Variants in PRRG1 observed in about 807,000 individuals in gnomAD.
PRRG1 encodes proline rich and Gla domain 1, also known as transmembrane gamma-carboxyglutamic acid protein 1.
Under a neutral mutation model 11.8 loss-of-function variants are expected in PRRG1, and 5 were observed. That is an observed-to-expected ratio of 0.42 (90% CI 0.22 to 0.89). PRRG1 has a LOEUF of 0.89. Ranked by LOEUF, PRRG1 falls within the 40% of genes least tolerant of loss-of-function variation. PRRG1 has a pLI of 0.28. For synonymous variants in PRRG1, 66 were observed against 60.4 expected, an observed-to-expected ratio of 1.09 and a Z score of -0.43; for missense variants, 155 against 166.1, an observed-to-expected ratio of 0.93 and a Z score of 0.37.
At chrX:37,374,931 A>G (rs1396944846) in intron 1 of PRRG1, among the ~76,000 whole-genome samples, 2 of 111,602 alleles carry the variant, frequency 1.8e-5, no homozygotes, top group African/African-American at 6.5e-5. Flanking sequence ...AACTGAGGTG[A>G]ATAGACCTTT....
chrX:37,411,041 A>G (rs184455291), intron 2 of PRRG1, among the ~76,000 whole-genome samples: 5 of 112,248 alleles, frequency 4.5e-5, no homozygotes, highest in African/African-American at 1.3e-4. Context: ...ATAGCATTAT[A>G]ATATAATCAG....
intron 1 of PRRG1, among the ~76,000 whole-genome samples, chrX:37,399,106 A>G (rs1286769729): frequency 9.0e-6 from 1 of 111,666 alleles, no homozygotes. Context: ...GCAGGCCAAC[A>G]TTCAAATTCA....
rs1310488737 is a variant in PRRG1, at chrX:37,379,353, G to A, written c.-41-26856G>A. On this transcript the variant is annotated intron_variant, in intron 1 of 3. Coordinates refer to ENST00000378628, the MANE Select transcript of PRRG1 (RefSeq NM_001142395.2). ...CTGGTATATATATTAGTAGAAAAAT[G>A]TTCCACTGCAAGTAACAGTTAGCAA... 1.2e-4 allele frequency among the ~76,000 whole-genome samples: 13 copies of A among 109,918 alleles called. No individual in the cohort carries two copies. The Admixed American group carries it at 1.3e-3, about 11-fold the overall frequency.
At chrX:37,388,027 G>C (rs1016239828) in intron 1 of PRRG1, among the ~76,000 whole-genome samples, 1 of 112,010 alleles carries the variant, frequency 8.9e-6, no homozygotes, top group African/African-American at 3.2e-5. Context: ...CTGAAATCCA[G>C]GAAGGTAGTC....
At chrX:37,406,290 G>A (rs1031345912) in intron 2 of PRRG1, 31 bp downstream of exon 2, 2 of 1,158,453 alleles carry the variant, frequency 1.7e-6, no homozygotes, top group Admixed American at 4.4e-5. Flanking sequence ...AAGTAATTCA[G>A]ACTGTCTCCA....
chrX:37,424,744 G>C (rs782263354), intron 2 of PRRG1, among the ~76,000 whole-genome samples: 5 of 110,460 alleles, frequency 4.5e-5, no homozygotes, highest in African/African-American at 1.6e-4. Context: ...ATACTTTAAA[G>C]AATCCTAAAT....
intron 1 of PRRG1, among the ~76,000 whole-genome samples, chrX:37,362,482 A>C (rs1444895465): frequency 9.0e-6 from 1 of 110,891 alleles, no homozygotes; most frequent in Non-Finnish European, 1.9e-5. Context: ...TCCAACCTTC[A>C]GGAACTACCC....
chrX:37,439,414 T>C (rs1357119144), intron 3 of PRRG1, among the ~76,000 whole-genome samples: 1 of 112,009 alleles, frequency 8.9e-6, no homozygotes, highest in Non-Finnish European at 1.9e-5. Context: ...AAAAACCAAA[T>C]AGGTCAAACT....
At chrX:37,360,464 G>A (rs1811427320) in intron 1 of PRRG1, among the ~76,000 whole-genome samples, 1 of 112,022 alleles carries the variant, frequency 8.9e-6, no homozygotes, top group African/African-American at 3.2e-5. Flanking sequence ...GGGAATTCCA[G>A]CTATCCTTCT....
intron 1 of PRRG1, among the ~76,000 whole-genome samples, chrX:37,392,965 C>T (rs1931591639): frequency 9.0e-6 from 1 of 111,623 alleles, no homozygotes; most frequent in African/African-American, 3.3e-5. Context: ...ATGTAGTAGA[C>T]ACACAATGTA....
Position 37,455,375 on chromosome X carries a change from T to C in PRRG1, c.*1754T>C, listed in dbSNP as rs1569451264. On this transcript the variant is annotated 3_prime_UTR_variant, in exon 4 of 4. Transcript: ENST00000378628. ...TATCTACACTAAGTTCGTAATGTTA[T>C]TATTATTGTGCTTCATGGAGAATTT... The C allele has an allele frequency of 8.9e-6, 1 of 112,551 alleles. No homozygotes were observed. Among genetic ancestry groups the C allele is most frequent in the African/African-American group, 3.2e-5 (1 of 30,971 alleles). 9.3% of individuals were successfully genotyped at this position (112,551 alleles called of 1,213,427 possible).
In PRRG1 at chrX:37,453,695, A is replaced by G. The variant is rs954801214; in HGVS notation, c.*74A>G. 2.0e-6 allele frequency: 2 copies of G among 975,809 alleles called. No individual in the cohort carries two copies. Among genetic ancestry groups the G allele is most frequent in the Non-Finnish European group, 2.7e-6 (2 of 735,073 alleles). The allele number at this position is 975,809 out of a possible 1,213,427, so 80.4% of individuals were successfully genotyped here. A position where few individuals can be genotyped will look rare whatever the true frequency, so the allele number is the denominator to read the frequency against. On this transcript the variant is annotated 3_prime_UTR_variant, in exon 4 of 4. Coordinates refer to ENST00000378628, the MANE Select transcript of PRRG1 (RefSeq NM_001142395.2). ...GAACTTTCTAGCACTTTACCACTACATAAATGTTCATTGACTTATTTTATT... is the reference window on the plus strand; with the variant it reads ...GAACTTTCTAGCACTTTACCACTACGTAAATGTTCATTGACTTATTTTATT...
intron 1 of PRRG1, among the ~76,000 whole-genome samples, chrX:37,373,037 A>G (rs1160584280): frequency 1.8e-5 from 2 of 111,949 alleles, no homozygotes; most frequent in Non-Finnish European, 1.9e-5. Flanking sequence ...TCCTATCACT[A>G]TTTATTGAAG....
chrX:37,402,016 C>G (rs1196822360), intron 1 of PRRG1, among the ~76,000 whole-genome samples: 2 of 111,666 alleles, frequency 1.8e-5, no homozygotes, highest in African/African-American at 6.5e-5. Context: ...ACATTCCACG[C>G]TCATGGGTAG....
At chrX:37,432,810 G>C (rs906027545) in intron 3 of PRRG1, among the ~76,000 whole-genome samples, 3 of 111,341 alleles carry the variant, frequency 2.7e-5, no homozygotes, top group Non-Finnish European at 5.7e-5. Context: ...ATGGCTAACT[G>C]CCTACTCAAC....
intron 3 of PRRG1, among the ~76,000 whole-genome samples, chrX:37,436,517 G>A (rs1932886647): frequency 8.9e-6 from 1 of 112,050 alleles, no homozygotes; most frequent in African/African-American, 3.2e-5. Context: ...TGTGAGTTGG[G>A]ATTAGTGATT....
intron 3 of PRRG1, among the ~76,000 whole-genome samples, chrX:37,434,444 A>G (rs910057322): frequency 8.9e-6 from 1 of 112,071 alleles, no homozygotes; most frequent in East Asian, 2.8e-4. Context: ...AAAGGCTTAT[A>G]TGAGCATGCT....
intron 1 of PRRG1, among the ~76,000 whole-genome samples, chrX:37,381,303 A>G (rs193092144): frequency 2.5e-4 from 28 of 112,060 alleles, no homozygotes; most frequent in African/African-American, 8.7e-4. Flanking sequence ...CATTGCTTCT[A>G]TGCTATCTTG....
chrX:37,423,825 G>A (rs1932727638), intron 2 of PRRG1, among the ~76,000 whole-genome samples: 1 of 111,471 alleles, frequency 9.0e-6, no homozygotes, highest in Non-Finnish European at 1.9e-5. Context: ...CTCCATTTAT[G>A]ATAAGTGCCC....
Sources: gnomAD v4.1 joint callset for allele counts (sites outside exome capture counted in the v4.1 genomes callset) on GRCh38, gnomAD v4.1.1 for gene constraint, MANE v1.5 for transcripts, NCBI Gene and HGNC (gene_info 2026-07-23, HGNC 2026-07-21) for gene names.